KCNA6: variants seen among roughly 807,000 people sequenced by gnomAD.
The protein encoded by KCNA6 is human brain potassium channel-2.
KCNA6 carries 17 observed loss-of-function variants against 29.5 expected under a neutral mutation model. That is an observed-to-expected ratio of 0.58 (90% CI 0.39 to 0.86). KCNA6 has a LOEUF of 0.86. KCNA6 is among the 40% of genes least tolerant of loss of function. KCNA6 has a pLI of 0.00. For synonymous variants in KCNA6, 296 were observed against 304.7 expected, an observed-to-expected ratio of 0.97 and a Z score of 0.30; for missense variants, 450 against 703.4, an observed-to-expected ratio of 0.64 and a Z score of 4.07.
the KCNA6 span, among the ~76,000 whole-genome samples, chr12:4,833,406 C>A: frequency 1.3e-5 from 2 of 152,084 alleles, no homozygotes; most frequent in Non-Finnish European, 2.9e-5. Context: ...GCTCCCATGT[C>A]TCTAGCAGGG....
chr12:4,848,507 G>T, the KCNA6 span, among the ~76,000 whole-genome samples: 1 of 87,778 alleles, frequency 1.1e-5, no homozygotes, highest in Non-Finnish European at 2.5e-5. Context: ...AGGGTTTCAG[G>T]AGGGAGCAAA....
At chr12:4,819,041 T>C in the KCNA6 span, among the ~76,000 whole-genome samples, 104 of 152,220 alleles carry the variant, frequency 6.8e-4, 2 homozygotes, top group African/African-American at 2.4e-3. Context: ...TATACACACG[T>C]ATATGCACAC....
At chr12:4,819,049 C>G in the KCNA6 span, among the ~76,000 whole-genome samples, 1 of 152,124 alleles carries the variant, frequency 6.6e-6, no homozygotes, top group African/African-American at 2.4e-5. Flanking sequence ...CGTATATGCA[C>G]ACACAAACAT....
At position 4,810,837 on chromosome 12, in the gene KCNA6, G is replaced by A; in HGVS notation, c.796G>A (p.Val266Met). The stretch of plus-strand genomic sequence containing the variant: ...CTTCTTTACAGACCCCTTCTTTCTG[G>A]TGGAGACGCTGTGCATTGTCTGGTT... Residue 266 changes from valine to methionine, a missense_variant, in exon 1 of 1, where the codon GTG becomes ATG. Transcript: ENST00000280684. The surrounding 1 kb of genome is among the most constrained non-coding windows in gnomAD (Gnocchi z 7.5). 6.2e-7 allele frequency: 1 copy of A among 1,601,230 alleles called. No homozygotes were observed. The highest frequency in any genetic ancestry group is 8.5e-7 in the Non-Finnish European group (1 of 1,173,712).
chr12:4,823,416 C>CT, the KCNA6 span, among the ~76,000 whole-genome samples: 25 of 146,342 alleles, frequency 1.7e-4, no homozygotes, highest in Admixed American at 1.1e-3. Flanking sequence ...GGAAAAAAAG[C>CT]TTTTTTTTTT....
Position 4,809,522 on chromosome 12 carries a change from G to C in KCNA6, c.-520G>C, listed in dbSNP as rs891655143. ...GACCTTGGCCGGACCCAGCCCCGCG[G>C]TGGACGCAGGGCGGAGGCCGAGCCC... On this transcript the variant is annotated 5_prime_UTR_variant, in exon 1 of 1. Transcript: ENST00000280684. 1.3e-5 allele frequency: 2 copies of C among 152,230 alleles called. 1 individual carries two copies. The highest frequency in any genetic ancestry group is 1.3e-4 in the Admixed American group (2 of 15,290). 9.4% of individuals were successfully genotyped at this position (152,230 alleles called of 1,614,324 possible).
chr12:4,836,767 C>T, the KCNA6 span, among the ~76,000 whole-genome samples: 48 of 152,228 alleles, frequency 3.2e-4, no homozygotes, highest in Non-Finnish European at 4.9e-4. Flanking sequence ...GATGGGAGTG[C>T]GACAGACTAG....
At chr12:4,850,790 C>T in the KCNA6 span, 1 of 454,618 alleles carries the variant, frequency 2.2e-6, no homozygotes. This position sits in a 1 kb window ranked among gnomAD's most constrained non-coding sequence, Gnocchi z 5.4. Context: ...AGAATTCTGA[C>T]AGCAGCTGGA....
exon 1 of KCNA6, chr12:4,809,964 C>T (rs1565401352): frequency 1.4e-6 from 2 of 1,460,598 alleles, no homozygotes; most frequent in Non-Finnish European, 1.8e-6. Flanking sequence ...CAGCCGGGAG[C>T]TGGGGAGCGG....
At chr12:4,838,389 A>C in the KCNA6 span, among the ~76,000 whole-genome samples, 1 of 152,158 alleles carries the variant, frequency 6.6e-6, no homozygotes, top group Non-Finnish European at 1.5e-5. Flanking sequence ...AGGTGGTAGC[A>C]TGGCACCTTA....
the KCNA6 span, among the ~76,000 whole-genome samples, chr12:4,832,639 G>A: frequency 6.6e-6 from 1 of 152,126 alleles, no homozygotes; most frequent in African/African-American, 2.4e-5. Flanking sequence ...CACCACATCA[G>A]AATTCAATTC....
At chr12:4,836,140 G>T in the KCNA6 span, among the ~76,000 whole-genome samples, 58,059 of 149,206 alleles carry the variant, frequency 0.39, 11,662 homozygotes, top group Middle Eastern at 0.51. Flanking sequence ...AGTAGAGACG[G>T]GCTTTCACCA....
At chr12:4,815,944 T>G (rs1311959420), downstream of KCNA6, among the ~76,000 whole-genome samples, 2 of 152,172 alleles carry the variant, frequency 1.3e-5, no homozygotes, top group Non-Finnish European at 2.9e-5. Flanking sequence ...TGGCCCCAGA[T>G]AAGTTTTGGG....
At chr12:4,813,489 A>C (rs576358282), downstream of KCNA6, 2 of 167,148 alleles carry the variant, frequency 1.2e-5, no homozygotes, top group African/African-American at 2.4e-5. Context: ...ATAGGCCATT[A>C]TGGACCATTG....
At chr12:4,816,403 CA>C (rs1188167922), downstream of KCNA6, among the ~76,000 whole-genome samples, 1 of 151,840 alleles carries the variant, frequency 6.6e-6, no homozygotes, top group East Asian at 1.9e-4. Context: ...TGGGTAAGTG[CA>C]GGGCATAATT....
chr12:4,811,709 C>A lies in KCNA6; in HGVS notation c.*78C>A. The A allele has an allele frequency of 6.6e-7, 1 of 1,505,114 alleles. No homozygotes were observed. Among genetic ancestry groups the A allele is most frequent in the South Asian group, 1.3e-5 (1 of 76,974 alleles). 93.2% of individuals were successfully genotyped at this position (1,505,114 alleles called of 1,614,324 possible). A position where few individuals can be genotyped will look rare whatever the true frequency, so the allele number is the denominator to read the frequency against. On this transcript the variant is annotated 3_prime_UTR_variant, in exon 1 of 1. Coordinates refer to ENST00000280684, the Ensembl canonical transcript of KCNA6. The surrounding 1 kb of genome is among the most constrained non-coding windows in gnomAD (Gnocchi z 7.1). ...GCTTCCTTCTCATTTCCACTACTCACTCTAGCTTCAGTTGACTTCTTGACT... is the reference window on the plus strand; with the variant it reads ...GCTTCCTTCTCATTTCCACTACTCAATCTAGCTTCAGTTGACTTCTTGACT...
At chr12:4,836,047 C>T in the KCNA6 span, among the ~76,000 whole-genome samples, 1 of 149,292 alleles carries the variant, frequency 6.7e-6, no homozygotes, top group African/African-American at 2.5e-5. Flanking sequence ...TCAAGTGATT[C>T]TCCTGCCTAA....
the KCNA6 span, among the ~76,000 whole-genome samples, chr12:4,837,543 G>A: frequency 2.0e-3 from 298 of 152,208 alleles, no homozygotes; most frequent in African/African-American, 7.0e-3. Context: ...GCATCAGAAT[G>A]GAATTGGAGG....
At chr12:4,835,291 C>T in the KCNA6 span, among the ~76,000 whole-genome samples, 2 of 151,906 alleles carry the variant, frequency 1.3e-5, no homozygotes, top group South Asian at 2.1e-4. Flanking sequence ...CCCGCCACTG[C>T]GCCTGGCTAA....
Sources: gnomAD v4.1 joint callset for allele counts (sites outside exome capture counted in the v4.1 genomes callset) on GRCh38, gnomAD v4.1.1 for gene constraint, Gnocchi (gnomAD v3.1) non-coding constraint, MANE v1.5 for transcripts, NCBI Gene and HGNC (gene_info 2026-07-23, HGNC 2026-07-21) for gene names.